Variants in PDE4B observed in about 807,000 individuals in gnomAD.
PDE4B encodes the protein 3',5'-cyclic-AMP phosphodiesterase 4B.
Under a neutral mutation model 82.2 loss-of-function variants are expected in PDE4B, and 20 were observed. The observed-to-expected ratio is 0.24, with a 90% CI of 0.17 to 0.35. PDE4B has a LOEUF of 0.35. Ranked by LOEUF, PDE4B falls within the 10% of genes least tolerant of loss-of-function variation. The pLI, the probability that PDE4B is intolerant of heterozygous loss-of-function variation, is 1.00. For synonymous variants in PDE4B, 320 were observed against 318.9 expected (o/e 1.00, Z -0.04); for missense variants, 655 against 907.2 (o/e 0.72, Z 3.57).
At chr1:66,193,967 G>A (rs1648052058) in intron 3 of PDE4B, among the ~76,000 whole-genome samples, 1 of 141,796 alleles carries the variant, frequency 7.1e-6, no homozygotes, top group South Asian at 2.2e-4. Context: ...TTTTTTTTTG[G>A]GAGATTCAAC....
chr1:66,295,195 T>C (rs930683687), intron 7 of PDE4B, among the ~76,000 whole-genome samples: 19 of 152,186 alleles, frequency 1.2e-4, no homozygotes, highest in African/African-American at 4.1e-4. Context: ...CAGGAATAAA[T>C]AGTAGGTCCA....
intron 3 of PDE4B, among the ~76,000 whole-genome samples, chr1:66,074,645 C>T (rs943117605): frequency 2.0e-5 from 3 of 152,038 alleles, no homozygotes; most frequent in Admixed American, 1.3e-4. Context: ...ATTTCCCCCT[C>T]CCCCAGTCCT....
intron 3 of PDE4B, among the ~76,000 whole-genome samples, chr1:66,166,591 G>A (rs909094270): frequency 1.6e-4 from 25 of 151,896 alleles, no homozygotes; most frequent in Admixed American, 4.6e-4. Flanking sequence ...AAAGTTAGCC[G>A]GGCATGGTGG....
In PDE4B at chr1:66,112,702, C is replaced by T. The variant is rs553083289; in HGVS notation, c.282-134758C>T. On this transcript the variant is annotated intron_variant, in intron 3 of 16. Coordinates refer to ENST00000341517, the MANE Select transcript of PDE4B (RefSeq NM_002600.4). ...TGTTTTCCTGTGTCACCTGTGTTTT[C>T]CTTCTGTGCCTCTATCATTATTGCC... 5.9e-5 allele frequency: 9 copies of T among 152,186 alleles called. No individual in the cohort carries two copies. In the South Asian group the frequency reaches 1.7e-3, roughly 28 times the overall value. The allele number at this position is 152,186 out of a possible 1,614,324, so 9.4% of individuals were successfully genotyped here. A position where few individuals can be genotyped will look rare whatever the true frequency, so the allele number is the denominator to read the frequency against.
chr1:66,216,411 G>T, intron 3 of PDE4B, among the ~76,000 whole-genome samples: 1 of 152,062 alleles, frequency 6.6e-6, no homozygotes, highest in East Asian at 1.9e-4. Context: ...ATCCCCAACA[G>T]AGTTGAGATT....
intron 3 of PDE4B, among the ~76,000 whole-genome samples, chr1:66,178,931 A>G (rs1214616795): frequency 6.6e-6 from 1 of 152,024 alleles, no homozygotes; most frequent in African/African-American, 2.4e-5. Flanking sequence ...GGCTCACTGC[A>G]ACCTCCACCT....
At chr1:66,245,545 G>T (rs556513461) in intron 3 of PDE4B, among the ~76,000 whole-genome samples, 1 of 152,124 alleles carries the variant, frequency 6.6e-6, no homozygotes, top group African/African-American at 2.4e-5. Context: ...TTTGCAAGTC[G>T]CTTTATTATA....
At chr1:66,130,412 G>C (rs1448665730) in intron 3 of PDE4B, among the ~76,000 whole-genome samples, 1 of 152,120 alleles carries the variant, frequency 6.6e-6, no homozygotes, top group Non-Finnish European at 1.5e-5. Flanking sequence ...GCTAAATGCT[G>C]TCCACATACA....
chr1:66,348,063 T>G (rs1661540993), intron 8 of PDE4B, among the ~76,000 whole-genome samples: 1 of 152,204 alleles, frequency 6.6e-6, no homozygotes, highest in Admixed American at 6.5e-5. Context: ...TCTGTGGGTC[T>G]GATCCACAGT....
rs116332237 is a variant in PDE4B at position 66,300,831 on chromosome 1, C to T, written c.635-31677C>T. ...AATCACTGCTGGCCGTATGCAGTCC[C>T]GTTTTCAGTGTCCAAGTCTATTCTT... On this transcript the variant is annotated intron_variant, in intron 7 of 16. Coordinates refer to ENST00000341517, the MANE Select transcript of PDE4B (RefSeq NM_002600.4). 3.1e-3 allele frequency among the ~76,000 whole-genome samples: 466 copies of T among 152,248 alleles called. 1 individual carries two copies. The highest frequency in any genetic ancestry group is 0.011 in the African/African-American group (445 of 41,552).
intron 3 of PDE4B, among the ~76,000 whole-genome samples, chr1:66,187,550 GT>G (rs1647294940): frequency 6.6e-6 from 1 of 152,196 alleles, no homozygotes; most frequent in African/African-American, 2.4e-5. Flanking sequence ...CTTCTTCCTG[GT>G]TTAGTCTTGG....
intron 1 of PDE4B, among the ~76,000 whole-genome samples, chr1:65,810,224 A>C (rs1326515444): frequency 6.6e-6 from 1 of 152,176 alleles, no homozygotes; most frequent in Non-Finnish European, 1.5e-5. Flanking sequence ...AGCAAAGGTA[A>C]TTTTTGCTAT....
chr1:66,180,491 A>G (rs1037805145), intron 3 of PDE4B, among the ~76,000 whole-genome samples: 1 of 152,236 alleles, frequency 6.6e-6, no homozygotes, highest in Non-Finnish European at 1.5e-5. Context: ...AATCATAGAA[A>G]TAAAGCTCAA....
intron 1 of PDE4B, among the ~76,000 whole-genome samples, chr1:65,843,413 G>C (rs1370017311): frequency 6.6e-6 from 1 of 152,152 alleles, no homozygotes; most frequent in African/African-American, 2.4e-5. Flanking sequence ...AGGTACAGCT[G>C]TTAAGAGAGT....
chr1:66,205,361 A>G (rs981519634), intron 3 of PDE4B, among the ~76,000 whole-genome samples: 2 of 152,218 alleles, frequency 1.3e-5, no homozygotes, highest in Admixed American at 1.3e-4. Flanking sequence ...TCACCCAGAG[A>G]TAACTACTGA....
intron 7 of PDE4B, among the ~76,000 whole-genome samples, chr1:66,328,938 G>T (rs760481349): frequency 4.6e-5 from 7 of 152,216 alleles, no homozygotes; most frequent in Non-Finnish European, 7.3e-5. Context: ...CTAAGAGGTT[G>T]CAGTACCCTT....
chr1:66,332,123 G>T, intron 7 of PDE4B: 1 of 1,267,412 alleles, frequency 7.9e-7, no homozygotes, highest in Non-Finnish European at 1.0e-6. Context: ...ATACCCTAAA[G>T]AACCCTGGGA....
chr1:65,871,221 T>G (rs1017385444), intron 1 of PDE4B, among the ~76,000 whole-genome samples: 1 of 152,208 alleles, frequency 6.6e-6, no homozygotes, highest in Non-Finnish European at 1.5e-5. Context: ...TTTAAATCTC[T>G]TCATGACTAA....
At chr1:66,324,469 CTT>C (rs1659612730) in intron 7 of PDE4B, among the ~76,000 whole-genome samples, 1 of 151,950 alleles carries the variant, frequency 6.6e-6, no homozygotes. Context: ...TAATTTCTCT[CTT>C]GGGGTTATTT....
Sources: gnomAD v4.1 joint callset for allele counts (sites outside exome capture counted in the v4.1 genomes callset) on GRCh38, gnomAD v4.1.1 for gene constraint, MANE v1.5 for transcripts, NCBI Gene and HGNC (gene_info 2026-07-23, HGNC 2026-07-21) for gene names.